Variants in MAPT observed in about 807,000 individuals in gnomAD.
The protein encoded by MAPT is microtubule-associated protein tau.
A neutral mutation model predicts 67.9 loss-of-function variants in MAPT; 34 were observed. The observed-to-expected ratio is 0.50, with a 90% CI of 0.38 to 0.67. The LOEUF (loss-of-function observed/expected upper bound fraction) is 0.67, where lower values mean the gene tolerates loss of function less well. MAPT is among the 30% of genes least tolerant of loss of function. The pLI is 0.00. For synonymous variants in MAPT, 456 were observed against 464.5 expected, an observed-to-expected ratio of 0.98 and a Z score of 0.23; for missense variants, 881 against 1,115.2, an observed-to-expected ratio of 0.79 and a Z score of 2.99.
chr17:45,951,132 C>G (rs1280382900), intron 1 of MAPT, among the ~76,000 whole-genome samples: 3 of 152,168 alleles, frequency 2.0e-5, no homozygotes, highest in Non-Finnish European at 4.4e-5. Context: ...TGTGACTTCC[C>G]TTATACGAAA....
intron 1 of MAPT, among the ~76,000 whole-genome samples, chr17:45,921,781 G>A (rs1324668651): frequency 2.0e-5 from 3 of 152,188 alleles, no homozygotes; most frequent in African/African-American, 4.8e-5. Flanking sequence ...ATTCAAGCTA[G>A]ACTTCAGGAA....
intron 2 of MAPT, among the ~76,000 whole-genome samples, chr17:45,964,196 G>A (rs112058117): frequency 2.0e-5 from 3 of 150,626 alleles, no homozygotes; most frequent in African/African-American, 7.4e-5. Flanking sequence ...CCTTTGTTTT[G>A]TTTTTTTTTG....
chr17:45,933,195 C>A (rs1435529037), intron 1 of MAPT, among the ~76,000 whole-genome samples: 1 of 151,032 alleles, frequency 6.6e-6, no homozygotes, highest in African/African-American at 2.4e-5. Context: ...TAATGAAAAG[C>A]AGACTAACTA....
chr17:45,993,854 C>A, intron 8 of MAPT: 1 of 1,476,718 alleles, frequency 6.8e-7, no homozygotes. Context: ...GTGCCTGCCA[C>A]GTGAAGGACT....
chr17:45,961,250 G>A (rs1426232546), intron 1 of MAPT, among the ~76,000 whole-genome samples: 2 of 152,240 alleles, frequency 1.3e-5, no homozygotes, highest in African/African-American at 4.8e-5. Flanking sequence ...TGAGGACAAA[G>A]TGTGAGTAAA....
intron 1 of MAPT, among the ~76,000 whole-genome samples, chr17:45,927,107 T>C (rs1487373278): frequency 2.6e-5 from 4 of 151,912 alleles, no homozygotes; most frequent in African/African-American, 9.7e-5. Context: ...GAAGGGAATA[T>C]GGTATTTATT....
In MAPT at chr17:45,996,284, A is replaced by G. The variant is rs1197588919; in HGVS notation, c.1733-115A>G. On this transcript the variant is annotated intron_variant, in intron 8 of 12. Transcript: ENST00000262410. This position sits in a 1 kb window ranked among gnomAD's most constrained non-coding sequence, Gnocchi z 4.5. ...TAGCTGCGCTTCCAACCTGGCTTCC[A>G]CCTGCCTAACCCAGTGGTGAGCCTG... 5 of 1,199,688 alleles carry G rather than the reference A, an allele frequency of 4.2e-6. No homozygotes were observed. The East Asian group carries it at 7.0e-5, about 17-fold the overall frequency. 74.3% of individuals were successfully genotyped at this position (1,199,688 alleles called of 1,614,324 possible). A position where few individuals can be genotyped will look rare whatever the true frequency, so the allele number is the denominator to read the frequency against.
chr17:45,920,396 G>T (rs966524375), intron 1 of MAPT, among the ~76,000 whole-genome samples: 2 of 152,272 alleles, frequency 1.3e-5, no homozygotes, highest in African/African-American at 2.4e-5. Context: ...TTTATCTCCC[G>T]GGGAAACTGA....
In MAPT at chr17:45,978,348, C is replaced by A. The variant is rs765813198; in HGVS notation, c.221-27C>A. On this transcript the variant is annotated intron_variant, in intron 3 of 12. Transcript: ENST00000262410. ...AACAATAACTGTCTTGCTTTTACCC[C>A]CCTTCATTTGCTGACACATACACCA... 2.5e-6 allele frequency: 4 copies of A among 1,583,176 alleles called. No homozygotes were observed. In the African/African-American group the frequency reaches 4.0e-5, roughly 16 times the overall value.
chr17:46,004,374 C>T (rs902919365), intron 9 of MAPT, among the ~76,000 whole-genome samples: 2 of 152,178 alleles, frequency 1.3e-5, no homozygotes, highest in African/African-American at 4.8e-5. Context: ...CACCCCCAGC[C>T]CCACCTCACC....
intron 1 of MAPT, among the ~76,000 whole-genome samples, chr17:45,934,906 C>A (rs1036588043): frequency 2.6e-5 from 4 of 152,028 alleles, no homozygotes; most frequent in Non-Finnish European, 5.9e-5. Flanking sequence ...CTTAGAAGGA[C>A]CTCTGATCCT....
rs946653361 is a variant in MAPT, at chr17:46,024,124, A to G, written c.2455A>G (p.Thr819Ala). The change falls in exon 13 of 13, where the codon ACG becomes GCG. Residue 819 changes from threonine to alanine, a missense_variant. Coordinates refer to ENST00000262410, the MANE Select transcript of MAPT (RefSeq NM_001377265.1). ...IDMVDSPQLA[T>A]LADEVSASLA... is the part of the protein sequence containing the mutation. Reference sequence around the variant, plus strand: ...CATGGTAGACTCGCCCCAGCTCGCCACGCTAGCTGACGAGGTGTCTGCCTC... The same window carrying G: ...CATGGTAGACTCGCCCCAGCTCGCCGCGCTAGCTGACGAGGTGTCTGCCTC... 1 of 1,614,114 alleles carries G rather than the reference A, an allele frequency of 6.2e-7. No individual in the cohort carries two copies. Among genetic ancestry groups the G allele is most frequent in the Non-Finnish European group, 8.5e-7 (1 of 1,180,022 alleles).
chr17:45,985,605 A>C, intron 5 of MAPT: 1 of 810,778 alleles, frequency 1.2e-6, no homozygotes, highest in Non-Finnish European at 1.5e-6. Flanking sequence ...CCCTCTGAGA[A>C]GGTCACAGAG....
chr17:45,938,730 C>A (rs1169327141), intron 1 of MAPT, among the ~76,000 whole-genome samples: 1 of 151,864 alleles, frequency 6.6e-6, no homozygotes, highest in Admixed American at 6.6e-5. Context: ...GCAGCCTCGA[C>A]GTCTCTGGGC....
chr17:45,988,508 C>G (rs1486199749), intron 6 of MAPT, among the ~76,000 whole-genome samples: 1 of 152,236 alleles, frequency 6.6e-6, no homozygotes, highest in Non-Finnish European at 1.5e-5. Context: ...CCAGGGCCCC[C>G]CCCAGCCCCG....
At chr17:45,920,262 G>A (rs988411897) in intron 1 of MAPT, among the ~76,000 whole-genome samples, 1 of 152,206 alleles carries the variant, frequency 6.6e-6, no homozygotes, top group Admixed American at 6.5e-5. Context: ...CTGGTGCTCG[G>A]CAATGTTGAC....
chr17:45,979,386 G>C (rs1490816939), intron 4 of MAPT: 1 of 152,192 alleles, frequency 6.6e-6, no homozygotes, highest in Non-Finnish European at 1.5e-5. Flanking sequence ...GAAAGACACT[G>C]TTCTTTTCTC....
rs777159530 is a variant in MAPT, at chr17:45,996,386, C to G, written c.1733-13C>G. The G allele has an allele frequency of 1.2e-5, 20 of 1,610,284 alleles. No individual in the cohort carries two copies. The highest frequency in any genetic ancestry group is 2.7e-5 in the African/African-American group (2 of 74,924). ...ACTCGAGTCCTGGCTTCACTCCCTT[C>G]CTTCCTTCCCAGGTGAACCTCCAAA... On this transcript the variant is annotated splice_polypyrimidine_tract_variant and intron_variant, in intron 8 of 12. Coordinates refer to ENST00000262410, the MANE Select transcript of MAPT (RefSeq NM_001377265.1). This position sits in a 1 kb window ranked among gnomAD's most constrained non-coding sequence, Gnocchi z 4.5.
intron 1 of MAPT, among the ~76,000 whole-genome samples, chr17:45,958,763 C>T (rs112916880): frequency 0.14 from 21,655 of 151,216 alleles, 2,129 homozygotes; most frequent in Non-Finnish European, 0.22. Context: ...GCTGATCTCA[C>T]TAGTAATTAA....
Sources: gnomAD v4.1 joint callset for allele counts (sites outside exome capture counted in the v4.1 genomes callset) on GRCh38, gnomAD v4.1.1 for gene constraint, Gnocchi (gnomAD v3.1) non-coding constraint, MANE v1.5 for transcripts, NCBI Gene and HGNC (gene_info 2026-07-23, HGNC 2026-07-21) for gene names.